The following TCF12 variants were observed in gnomAD, a reference collection of about 807,000 sequenced individuals.
TCF12 encodes DNA-binding protein HTF4.
Under a neutral mutation model 86.0 loss-of-function variants are expected in TCF12, and 45 were observed. The ratio of observed to expected loss-of-function variants is 0.52; its 90% CI spans 0.41 to 0.67. The LOEUF (loss-of-function observed/expected upper bound fraction) is 0.67. Among genes scored for constraint, TCF12 ranks in the 30% least tolerant of loss-of-function variants. The pLI is 0.00. For missense variants in TCF12, 881 were observed against 859.9 expected, an observed-to-expected ratio of 1.02 and a Z score of -0.31; for synonymous variants, 330 against 299.6, an observed-to-expected ratio of 1.10 and a Z score of -1.05.
chr15:56,986,479 T>C (rs554337905), intron 3 of TCF12, among the ~76,000 whole-genome samples: 1 of 152,340 alleles, frequency 6.6e-6, no homozygotes, highest in South Asian at 2.1e-4. Context: ...TATGTCCTGT[T>C]GTAAGTAGCT....
intron 1 of TCF12, 85 bp downstream of exon 1, chr15:56,918,991 G>A (rs1341568940): frequency 6.6e-6 from 1 of 151,990 alleles, no homozygotes; most frequent in Non-Finnish European, 1.5e-5. Flanking sequence ...CCGGAGTGGG[G>A]GCGCCCCCGT....
At chr15:57,111,717 C>G (rs762335010) in intron 5 of TCF12, among the ~76,000 whole-genome samples, 1 of 151,646 alleles carries the variant, frequency 6.6e-6, no homozygotes, top group Non-Finnish European at 1.5e-5. Context: ...TCAGCCCCAC[C>G]AAGTAGCTGG....
chr15:57,172,289 A>T (rs1346808636), intron 6 of TCF12, among the ~76,000 whole-genome samples: 1 of 152,258 alleles, frequency 6.6e-6, no homozygotes, highest in Admixed American at 6.5e-5. Context: ...ATTGACAATC[A>T]TGCTTGGAAA....
chr15:56,987,722 T>A (rs938102488), intron 3 of TCF12, among the ~76,000 whole-genome samples: 44 of 152,244 alleles, frequency 2.9e-4, no homozygotes, highest in Admixed American at 1.4e-3. Flanking sequence ...AACAGAAATG[T>A]GACTGGCACT....
chr15:56,969,111 C>T (rs1404505781), intron 3 of TCF12, among the ~76,000 whole-genome samples: 2 of 152,136 alleles, frequency 1.3e-5, no homozygotes, highest in African/African-American at 4.8e-5. Context: ...AAGGAATTTC[C>T]TTGTGGGCAA....
At chr15:57,016,999 A>G (rs1264310040) in intron 3 of TCF12, among the ~76,000 whole-genome samples, 1 of 152,108 alleles carries the variant, frequency 6.6e-6, no homozygotes, top group Non-Finnish European at 1.5e-5. Context: ...GACAGTGGGG[A>G]TAAGGGAACT....
chr15:57,192,030 C>T lies in TCF12; in HGVS notation c.391-128C>T, dbSNP rs932692266. Reference sequence around the variant, plus strand: ...AGCAGTGGTCTAATTGAATTCAAAACGTACTTAATGGGTGCGTTCTAAGTT... The same window carrying T: ...AGCAGTGGTCTAATTGAATTCAAAATGTACTTAATGGGTGCGTTCTAAGTT... On this transcript the variant is annotated intron_variant, in intron 6 of 20. Coordinates refer to ENST00000333725, the MANE Select transcript of TCF12 (RefSeq NM_207037.2). 8 of 1,004,844 alleles carry T rather than the reference C, an allele frequency of 8.0e-6. No homozygotes were observed. The African/African-American group carries it at 9.8e-5, about 12-fold the overall frequency. The allele number at this position is 1,004,844 out of a possible 1,614,324, so 62.2% of individuals were successfully genotyped here. A position where few individuals can be genotyped will look rare whatever the true frequency, so the allele number is the denominator to read the frequency against.
At chr15:57,284,834 T>TAC (rs1183544572) in intron 20 of TCF12, among the ~76,000 whole-genome samples, 1 of 152,276 alleles carries the variant, frequency 6.6e-6, no homozygotes, top group Non-Finnish European at 1.5e-5. Context: ...GTGCTTTTAC[T>TAC]ACTTCTCTAT....
intron 5 of TCF12, among the ~76,000 whole-genome samples, chr15:57,139,780 G>A (rs2052822006): frequency 6.6e-6 from 1 of 152,012 alleles, no homozygotes; most frequent in African/African-American, 2.4e-5. Context: ...AAAAGTAATA[G>A]TACCAAAAAA....
intron 4 of TCF12, among the ~76,000 whole-genome samples, chr15:57,069,760 T>G (rs989023228): frequency 7.9e-5 from 12 of 152,176 alleles, no homozygotes; most frequent in Non-Finnish European, 1.8e-4. Context: ...TCAAAGAACT[T>G]TACGTTTTCT....
Position 57,192,269 on chromosome 15 carries a change from C to T in TCF12, c.502C>T (p.Pro168Ser), listed in dbSNP as rs1295522076. The T allele has an allele frequency of 1.9e-6, 3 of 1,614,162 alleles. No individual in the cohort carries two copies. The highest frequency in any genetic ancestry group is 1.1e-5 in the South Asian group (1 of 91,086). ...CTCTGCTACAAGTTCCAGGAGGAGA[C>T]CACTCCATGACTCTGCAGCGCTTGG... ...SFSATSSRRR[P>S]LHDSAALDPL... is the part of the protein sequence containing the mutation. Residue 168 changes from proline to serine, a missense_variant, in exon 7 of 21, where the codon CCA (proline) becomes TCA (serine). Around this residue, in one of 3 missense-constraint regions of TCF12, gnomAD observed 766 missense variants for 718.9 expected, o/e 1.07. Transcript: ENST00000333725.
At position 57,253,241 on chromosome 15, in the gene TCF12, T is replaced by G. The variant is rs766548522; in HGVS notation, c.1261-21T>G. On this transcript the variant is annotated intron_variant, in intron 15 of 20. Transcript: ENST00000333725. ...ACAGATGCCAGCAATAACCACCATG[T>G]TTTTTTTTTAATCCATACAGCAGTC... 3.0e-5 allele frequency: 42 copies of G among 1,422,050 alleles called. No homozygotes were observed. In the East Asian group the frequency reaches 3.4e-4, roughly 12 times the overall value. 88.1% of individuals were successfully genotyped at this position (1,422,050 alleles called of 1,614,324 possible). A position where few individuals can be genotyped will look rare whatever the true frequency, so the allele number is the denominator to read the frequency against.
chr15:57,192,316 C>T, intron 7 of TCF12, 23 bp downstream of exon 7: 1 of 1,611,918 alleles, frequency 6.2e-7, no homozygotes, highest in Non-Finnish European at 8.5e-7. Flanking sequence ...CACAACAAAT[C>T]CCATCCCACA....
intron 18 of TCF12, among the ~76,000 whole-genome samples, chr15:57,270,971 G>T (rs983737588): frequency 6.6e-6 from 1 of 152,146 alleles, no homozygotes; most frequent in Non-Finnish European, 1.5e-5. Context: ...CCTGTATGAG[G>T]TGTCTGTTGG....
intron 3 of TCF12, among the ~76,000 whole-genome samples, chr15:56,941,871 A>G (rs1371415196): frequency 2.6e-5 from 4 of 152,092 alleles, no homozygotes; most frequent in Admixed American, 1.3e-4. Flanking sequence ...CATCTCAGTA[A>G]TCTTCTTTAG....
At chr15:56,945,333 A>G (rs1348771291) in intron 3 of TCF12, among the ~76,000 whole-genome samples, 8 of 151,904 alleles carry the variant, frequency 5.3e-5, no homozygotes, top group African/African-American at 1.7e-4. Flanking sequence ...TGTATTTTCA[A>G]TTTCCAGTGT....
chr15:57,046,703 G>A (rs1596288033), intron 3 of TCF12, among the ~76,000 whole-genome samples: 1 of 152,082 alleles, frequency 6.6e-6, no homozygotes, highest in African/African-American at 2.4e-5. Flanking sequence ...TGATCCACCT[G>A]CCTTGGCCTC....
chr15:56,921,795 A>G (rs1483217697), intron 3 of TCF12, among the ~76,000 whole-genome samples: 3 of 151,998 alleles, frequency 2.0e-5, no homozygotes, highest in African/African-American at 7.2e-5. Context: ...TTGGTTTCTT[A>G]AAATACTGTG....
At chr15:57,061,334 T>A (rs1257243937) in intron 3 of TCF12, among the ~76,000 whole-genome samples, 1 of 152,184 alleles carries the variant, frequency 6.6e-6, no homozygotes, top group Non-Finnish European at 1.5e-5. Context: ...GGTTCACACC[T>A]GTGATCCCAG....
Sources: allele counts gnomAD v4.1 joint callset (sites outside exome capture counted in the v4.1 genomes callset), GRCh38; gene constraint gnomAD v4.1.1; regional missense constraint gnomAD v4.1.1; transcripts MANE v1.5; gene names NCBI Gene and HGNC (gene_info 2026-07-23, HGNC 2026-07-21).